HECTD4: variants seen among roughly 807,000 people sequenced by gnomAD.
The protein encoded by HECTD4 is HECT domain E3 ubiquitin protein ligase 4, also known as probable E3 ubiquitin-protein ligase HECTD4.
A neutral mutation model predicts 471.5 loss-of-function variants in HECTD4; 114 were observed. That is an observed-to-expected ratio of 0.24 (90% CI 0.21 to 0.28). HECTD4 has a LOEUF of 0.28. Ranked by LOEUF, HECTD4 falls within the 10% of genes least tolerant of loss-of-function variation. The probability of loss-of-function intolerance (pLI) is 1.00; values close to 1 mark genes in which losing one functional copy is unlikely to be tolerated. For missense variants in HECTD4, 3,866 were observed against 5,651.5 expected (o/e 0.68, Z 10.13); for synonymous variants, 2,012 against 2,256.0 (o/e 0.89, Z 3.07).
At chr12:112,265,396 T>C (rs2034246502) in intron 15 of HECTD4, 101 bp from the exon 16 acceptor site, 2 of 747,746 alleles carry the variant, frequency 2.7e-6, no homozygotes, top group Non-Finnish European at 4.1e-6. Context: ...AAAAGATACA[T>C]AATTGATTCT....
chr12:112,228,240 G>C lies in HECTD4; in HGVS notation c.6703C>G (p.Leu2235Val). 1 of 1,598,988 alleles carries C rather than the reference G, an allele frequency of 6.3e-7. No homozygotes were observed. The highest frequency in any genetic ancestry group is 8.5e-7 in the Non-Finnish European group (1 of 1,175,040). Residue 2235 changes from leucine to valine, a missense_variant, in exon 43 of 76, where the codon CTG (leucine) becomes GTG (valine). This residue lies in a region of HECTD4 where 617 missense variants were observed against 915.1 expected (regional missense o/e 0.67). Coordinates refer to ENST00000682272, the MANE Select transcript of HECTD4 (RefSeq NM_001388303.1). The surrounding 1 kb of genome is among the most constrained non-coding windows in gnomAD (Gnocchi z 4.9). ...TGTACTACCTTCTCAGTAATGGACAGTTTATGAAGAGGCAATGCCTGATGG... is the reference window on the plus strand; with the variant it reads ...TGTACTACCTTCTCAGTAATGGACACTTTATGAAGAGGCAATGCCTGATGG... The part of the protein sequence containing the change: ...PRSEALPLHK[L>V]SITEKVVQAV...
chr12:112,203,502 T>C, intron 54 of HECTD4, 134 bp downstream of exon 54: 3 of 704,198 alleles, frequency 4.3e-6, no homozygotes, highest in Non-Finnish European at 6.7e-6. Flanking sequence ...TAGAGCATTT[T>C]TGCTTTGTGT....
At chr12:112,199,089 G>A (rs535379238) in intron 55 of HECTD4, among the ~76,000 whole-genome samples, 4 of 152,324 alleles carry the variant, frequency 2.6e-5, no homozygotes, top group African/African-American at 4.8e-5. Flanking sequence ...CCGGCCGCAG[G>A]AGCCCTGCTG....
intron 49 of HECTD4, among the ~76,000 whole-genome samples, chr12:112,212,028 A>G (rs2032777793): frequency 6.6e-6 from 1 of 152,248 alleles, no homozygotes; most frequent in African/African-American, 2.4e-5. Context: ...GGATATTAAT[A>G]GATGCCCCTT....
At position 112,244,107 on chromosome 12, in the gene HECTD4, T is replaced by C. The variant is rs985202466; in HGVS notation, c.4514-98A>G. On this transcript the variant is annotated intron_variant, in intron 29 of 75. Transcript: ENST00000682272. The stretch of plus-strand genomic sequence containing the variant: ...CCAACAGTCTAAGTGTATCTTTGCT[T>C]TCTATCACAGTTCAGCCACCAATCT... 20 of 1,276,790 alleles carry C rather than the reference T, an allele frequency of 1.6e-5. No individual in the cohort carries two copies. The Admixed American group carries it at 3.8e-4, about 24-fold the overall frequency. The allele number at this position is 1,276,790 out of a possible 1,614,324, so 79.1% of individuals were successfully genotyped here. A position where few individuals can be genotyped will look rare whatever the true frequency, so the allele number is the denominator to read the frequency against.
At chr12:112,242,495 C>T (rs1028261532) in intron 32 of HECTD4, among the ~76,000 whole-genome samples, 4 of 151,800 alleles carry the variant, frequency 2.6e-5, no homozygotes, top group African/African-American at 9.7e-5. Context: ...CGCCTATAGT[C>T]CCAGCTACTT....
At chr12:112,339,727 C>T (rs757047551) in intron 1 of HECTD4, among the ~76,000 whole-genome samples, 2 of 152,150 alleles carry the variant, frequency 1.3e-5, no homozygotes, top group Admixed American at 1.3e-4. Context: ...TCTAGATAAA[C>T]CTACCATAAG....
At chr12:112,255,429 G>A (rs1444732543) in intron 21 of HECTD4, among the ~76,000 whole-genome samples, 1 of 152,138 alleles carries the variant, frequency 6.6e-6, no homozygotes, top group East Asian at 1.9e-4. Flanking sequence ...AAGATAATGG[G>A]GAAGAGGATT....
rs1464336658 is a variant in HECTD4 at position 112,195,075 on chromosome 12, G to C, written c.8568-9C>G. 6.3e-7 allele frequency: 1 copy of C among 1,584,270 alleles called. No homozygotes were observed. The highest frequency in any genetic ancestry group is 8.6e-7 in the Non-Finnish European group (1 of 1,166,578). Reference sequence around the variant, plus strand: ...CGCAGCGCAGCAGCTCCCTGCAAGGGAAAAGGTGGGTGAGATACTCAAAGC... The same window carrying C: ...CGCAGCGCAGCAGCTCCCTGCAAGGCAAAAGGTGGGTGAGATACTCAAAGC... On this transcript the variant is annotated splice_polypyrimidine_tract_variant and intron_variant, in intron 55 of 75. Coordinates refer to ENST00000682272, the MANE Select transcript of HECTD4 (RefSeq NM_001388303.1).
Position 112,194,668 on chromosome 12 carries a change from T to A in HECTD4, c.8749+217A>T, listed in dbSNP as rs1016523879. ...CAATTACGTTGGGAAACTTGATGAA[T>A]GCTTAACAGAGTAATGACTCAAGTG... On this transcript the variant is annotated intron_variant, in intron 56 of 75. Transcript: ENST00000682272. The surrounding 1 kb of genome is among the most constrained non-coding windows in gnomAD (Gnocchi z 4.6). Among the ~76,000 whole-genome samples the A allele has an allele frequency of 1.3e-5, 2 of 152,264 alleles. No individual in the cohort carries two copies. Among genetic ancestry groups the A allele is most frequent in the African/African-American group, 4.8e-5 (2 of 41,466 alleles).
intron 11 of HECTD4, 90 bp from the exon 12 acceptor site, chr12:112,270,549 G>C: frequency 1.9e-6 from 2 of 1,035,392 alleles, no homozygotes; most frequent in Non-Finnish European, 2.9e-6. Context: ...AGGTGTGTGC[G>C]CACTAGAAAA....
At chr12:112,294,599 A>C (rs1255537915) in intron 7 of HECTD4, among the ~76,000 whole-genome samples, 1 of 152,126 alleles carries the variant, frequency 6.6e-6, no homozygotes, top group Non-Finnish European at 1.5e-5. Context: ...CCTGGAGAGA[A>C]AGATCTATTC....
chr12:112,266,336 A>G (rs1280113051), intron 14 of HECTD4, among the ~76,000 whole-genome samples: 1 of 152,244 alleles, frequency 6.6e-6, no homozygotes, highest in Admixed American at 6.5e-5. Flanking sequence ...GAAATCACCA[A>G]TAAGTGATTA....
rs2036898697 is a variant in HECTD4, at chr12:112,381,806, C to G, written c.177+146G>C. 2 of 436,276 alleles carry G rather than the reference C, an allele frequency of 4.6e-6. No individual in the cohort carries two copies. Among genetic ancestry groups the G allele is most frequent in the Non-Finnish European group, 7.3e-6 (2 of 275,540 alleles). 27.0% of individuals were successfully genotyped at this position (436,276 alleles called of 1,614,324 possible). A position where few individuals can be genotyped will look rare whatever the true frequency, so the allele number is the denominator to read the frequency against. On this transcript the variant is annotated intron_variant, in intron 1 of 75. Transcript: ENST00000682272. The surrounding 1 kb of genome is among the most constrained non-coding windows in gnomAD (Gnocchi z 4.1). ...GGTCCGCAGACCTGCGGCCGCGGCC[C>G]CACCTGCCCGCCCCGCGCCCACACA...
At chr12:112,336,068 T>A (rs1256872944) in intron 1 of HECTD4, among the ~76,000 whole-genome samples, 1 of 150,682 alleles carries the variant, frequency 6.6e-6, no homozygotes, top group Non-Finnish European at 1.5e-5. Flanking sequence ...GATCCAAATA[T>A]GAATTTACAG....
intron 17 of HECTD4, among the ~76,000 whole-genome samples, chr12:112,263,017 T>C (rs2034184358): frequency 1.3e-5 from 2 of 152,202 alleles, no homozygotes; most frequent in African/African-American, 4.8e-5. Context: ...ATGACATTCA[T>C]GATCATCTAC....
chr12:112,308,928 G>C, intron 5 of HECTD4, 37 bp from the exon 6 acceptor site: 1 of 1,523,758 alleles, frequency 6.6e-7, no homozygotes, highest in Non-Finnish European at 8.8e-7. Flanking sequence ...GAATCACCTG[G>C]CTATGTCAGA....
rs538069859 is a variant in HECTD4, at chr12:112,372,104, CT to C, written c.177+9847del. Among the ~76,000 whole-genome samples the C allele has an allele frequency of 5.1e-3, 686 of 135,754 alleles. 2 individuals carry two copies. The highest frequency in any genetic ancestry group is 5.4e-3 in the Admixed American group (73 of 13,444). 89.1% of individuals were successfully genotyped at this position (135,754 alleles called of 152,430 possible). A position where few individuals can be genotyped will look rare whatever the true frequency, so the allele number is the denominator to read the frequency against. On this transcript the variant is annotated intron_variant, in intron 1 of 75. Transcript: ENST00000682272. ...CAATACACTTTAAACATAATCACAT[CT>C]TTTTTTTTTTTTTTTTAATATTTTG...
rs1021610454 is a variant in HECTD4, at chr12:112,228,022, C to G, written c.6854+67G>C. ...CTAAGTTGGGAGTGGAGGGGCCCAC[C>G]AAGGATCCCTTCTTCTGTCAGCTTG... On this transcript the variant is annotated intron_variant, in intron 43 of 75. Coordinates refer to ENST00000682272, the MANE Select transcript of HECTD4 (RefSeq NM_001388303.1). This position sits in a 1 kb window ranked among gnomAD's most constrained non-coding sequence, Gnocchi z 4.9. The G allele has an allele frequency of 6.4e-5, 93 of 1,445,212 alleles. No homozygotes were observed. In the Admixed American group the frequency reaches 2.1e-3, roughly 33 times the overall value. The allele number at this position is 1,445,212 out of a possible 1,614,324, so 89.5% of individuals were successfully genotyped here.
Sources: allele counts gnomAD v4.1 joint callset (sites outside exome capture counted in the v4.1 genomes callset), GRCh38; gene constraint gnomAD v4.1.1; regional missense constraint gnomAD v4.1.1; non-coding constraint Gnocchi (gnomAD v3.1); transcripts MANE v1.5; gene names NCBI Gene and HGNC (gene_info 2026-07-23, HGNC 2026-07-21).